NFIB: variants seen among roughly 807,000 people sequenced by gnomAD.
NFIB encodes nuclear factor 1 B-type.
In NFIB, 11 loss-of-function variants were observed where a neutral mutation model predicts 61.5. That is an observed-to-expected ratio of 0.18 (90% CI 0.11 to 0.30). The LOEUF (loss-of-function observed/expected upper bound fraction) is 0.30, where lower values mean the gene tolerates loss of function less well. Ranked by LOEUF, NFIB falls within the 10% of genes least tolerant of loss-of-function variation. The pLI is 1.00. For synonymous variants in NFIB, 260 were observed against 216.5 expected, an observed-to-expected ratio of 1.20 and a Z score of -1.76; for missense variants, 471 against 608.9, an observed-to-expected ratio of 0.77 and a Z score of 2.38.
chr9:14,514,401 A>T, the NFIB span, among the ~76,000 whole-genome samples: 1 of 151,994 alleles, frequency 6.6e-6, no homozygotes, highest in African/African-American at 2.4e-5. Flanking sequence ...TCCAAAAAGT[A>T]GTTTACTGAA....
chr9:14,133,385 G>A (rs1046147375), intron 6 of NFIB, among the ~76,000 whole-genome samples: 10 of 152,060 alleles, frequency 6.6e-5, no homozygotes, highest in Non-Finnish European at 1.5e-4. Flanking sequence ...AATGTTGGGT[G>A]GAAGCTGGAA....
chr9:14,174,653 G>C (rs1204341103), intron 3 of NFIB, among the ~76,000 whole-genome samples: 1 of 151,648 alleles, frequency 6.6e-6, no homozygotes, highest in East Asian at 1.9e-4. Flanking sequence ...TGTAATCCCA[G>C]CTACTCAGGA....
At chr9:14,261,009 G>C (rs1218023146) in intron 2 of NFIB, among the ~76,000 whole-genome samples, 1 of 152,102 alleles carries the variant, frequency 6.6e-6, no homozygotes, top group Non-Finnish European at 1.5e-5. Flanking sequence ...AAAAAGTCAA[G>C]ACAACAGCAT....
the NFIB span, among the ~76,000 whole-genome samples, chr9:14,423,287 T>C: frequency 1.3e-5 from 2 of 152,162 alleles, no homozygotes. Context: ...ACCAGTAATA[T>C]CTGATTCTTC....
At chr9:14,385,113 A>G (rs932050692) in intron 1 of NFIB, among the ~76,000 whole-genome samples, 4 of 152,154 alleles carry the variant, frequency 2.6e-5, no homozygotes, top group Admixed American at 6.5e-5. Flanking sequence ...AGGGCTCACT[A>G]TGTGCTAGCC....
At chr9:14,459,821 C>T in the NFIB span, among the ~76,000 whole-genome samples, 8 of 151,096 alleles carry the variant, frequency 5.3e-5, no homozygotes, top group Non-Finnish European at 1.2e-4. Context: ...CAATGAGATA[C>T]CATCTCACAC....
intron 2 of NFIB, among the ~76,000 whole-genome samples, chr9:14,258,847 A>G (rs1427619234): frequency 6.6e-6 from 1 of 152,224 alleles, no homozygotes; most frequent in Admixed American, 6.5e-5. Flanking sequence ...CACACAACAC[A>G]CTTGCTCAAC....
the NFIB span, among the ~76,000 whole-genome samples, chr9:14,489,447 C>G: frequency 6.6e-6 from 1 of 152,134 alleles, no homozygotes; most frequent in African/African-American, 2.4e-5. Flanking sequence ...ACTATAAACT[C>G]CTTGAATGTG....
chr9:14,256,130 T>G (rs1274246027), intron 2 of NFIB, among the ~76,000 whole-genome samples: 3 of 152,182 alleles, frequency 2.0e-5, no homozygotes, highest in Admixed American at 2.0e-4. Flanking sequence ...AAATATTCAT[T>G]TTGACCCACT....
intron 3 of NFIB, among the ~76,000 whole-genome samples, chr9:14,157,967 C>T (rs2043637378): frequency 6.6e-6 from 1 of 151,652 alleles, no homozygotes; most frequent in Non-Finnish European, 1.5e-5. Context: ...AAAAATTAGC[C>T]GGGCATGGTG....
At chr9:14,156,677 TG>T (rs2131224160) in intron 3 of NFIB, among the ~76,000 whole-genome samples, 1 of 152,178 alleles carries the variant, frequency 6.6e-6, no homozygotes, top group East Asian at 1.9e-4. Flanking sequence ...AAACTAGAGA[TG>T]AGAACTCCCA....
At chr9:14,513,634 A>AC in the NFIB span, among the ~76,000 whole-genome samples, 1 of 146,962 alleles carries the variant, frequency 6.8e-6, no homozygotes, top group Non-Finnish European at 1.5e-5. Flanking sequence ...TCTCAAAAAA[A>AC]AAAAAGAAAA....
chr9:14,094,393 C>G (rs2034452494), intron 10 of NFIB: 1 of 152,032 alleles, frequency 6.6e-6, no homozygotes, highest in Non-Finnish European at 1.5e-5. Context: ...TTGCTTTTGT[C>G]TTACATATGT....
At position 14,262,739 on chromosome 9, in the gene NFIB, C is replaced by T. The variant is rs368968423; in HGVS notation, c.562+44250G>A. Among the ~76,000 whole-genome samples, 11 of 152,246 alleles carry T rather than the reference C, an allele frequency of 7.2e-5. No homozygotes were observed. The South Asian group carries it at 1.2e-3, about 17-fold the overall frequency. On this transcript the variant is annotated intron_variant, in intron 2 of 10. Transcript: ENST00000380953. Reference sequence around the variant, plus strand: ...AGCGGAGAAAGAAAAGATGTTCATACGCGTCAAGAGTCACTGGTAAGGCAG... The same window carrying T: ...AGCGGAGAAAGAAAAGATGTTCATATGCGTCAAGAGTCACTGGTAAGGCAG...
At chr9:14,325,595 G>A (rs2060742824) in intron 1 of NFIB, among the ~76,000 whole-genome samples, 1 of 152,016 alleles carries the variant, frequency 6.6e-6, no homozygotes, top group South Asian at 2.1e-4. Flanking sequence ...CCCCAAAGGT[G>A]TTTATTTTGT....
At chr9:14,458,008 T>A in the NFIB span, among the ~76,000 whole-genome samples, 4 of 152,236 alleles carry the variant, frequency 2.6e-5, no homozygotes, top group East Asian at 7.7e-4. Flanking sequence ...TCCTCCCTAA[T>A]TCACTTTATG....
the NFIB span, among the ~76,000 whole-genome samples, chr9:14,530,028 T>A: frequency 1.3e-5 from 2 of 152,210 alleles, no homozygotes; most frequent in African/African-American, 2.4e-5. Context: ...ATTGGCTTAC[T>A]ATACCCATCT....
At chr9:14,121,225 T>C (rs1425397439) in intron 7 of NFIB, among the ~76,000 whole-genome samples, 6 of 152,160 alleles carry the variant, frequency 3.9e-5, no homozygotes, top group African/African-American at 9.7e-5. Flanking sequence ...GATGGCGCCA[T>C]TGCGCTCCAA....
intron 2 of NFIB, among the ~76,000 whole-genome samples, chr9:14,197,696 T>C (rs930894424): frequency 3.9e-5 from 6 of 152,194 alleles, no homozygotes; most frequent in Non-Finnish European, 7.3e-5. Context: ...TGACAGAACA[T>C]GTGTTCCAAA....
Sources: allele counts gnomAD v4.1 joint callset (sites outside exome capture counted in the v4.1 genomes callset), GRCh38; gene constraint gnomAD v4.1.1; transcripts MANE v1.5; gene names NCBI Gene and HGNC (gene_info 2026-07-23, HGNC 2026-07-21).